The following JMJD1C variants were observed in gnomAD, a reference collection of about 807,000 sequenced individuals.
JMJD1C encodes jumonji domain-containing protein 1C.
A neutral mutation model predicts 245.3 loss-of-function variants in JMJD1C; 31 were observed. The ratio of observed to expected loss-of-function variants is 0.13; its 90% confidence interval spans 0.09 to 0.17. The LOEUF (loss-of-function observed/expected upper bound fraction) is 0.17, where lower values mean the gene tolerates loss of function less well. Among genes scored for constraint, JMJD1C ranks in the 10% least tolerant of loss-of-function variants. JMJD1C has a pLI of 1.00. For synonymous variants in JMJD1C, 1,057 were observed against 1,017.4 expected (o/e 1.04, Z -0.74); for missense variants, 2,691 against 3,000.2 (o/e 0.90, Z 2.41).
At position 63,198,568 on chromosome 10, in the gene JMJD1C, C is replaced by T. The variant is rs1845695669; in HGVS notation, c.5436G>A (p.Lys1812=). Residue 1812 remains lysine (K), a synonymous_variant, in exon 12 of 26, where the codon AAG becomes AAA. Transcript: ENST00000399262. Reference sequence around the variant, plus strand: ...TTTCAGATGTTACTAATTGACAGAACTTATCACCTATTATATCCAAGATAT... The same window carrying T: ...TTTCAGATGTTACTAATTGACAGAATTTATCACCTATTATATCCAAGATAT... ...SKYILDIIGD[K]FCQLVTSEKT... 6.2e-7 allele frequency: 1 copy of T among 1,611,156 alleles called. No individual in the cohort carries two copies. The highest frequency in any genetic ancestry group is 8.5e-7 in the Non-Finnish European group (1 of 1,178,210).
At chr10:63,209,655 A>G (rs1847090404) in intron 8 of JMJD1C, among the ~76,000 whole-genome samples, 1 of 152,214 alleles carries the variant, frequency 6.6e-6, no homozygotes, top group Admixed American at 6.5e-5. Context: ...TTCATTTGTC[A>G]ATTTTTGTCA....
chr10:63,440,351 A>ATATAT (rs541868337), intron 1 of JMJD1C, among the ~76,000 whole-genome samples: 1,008 of 67,866 alleles, frequency 0.015, 13 homozygotes, highest in African/African-American at 0.028. Context: ...AAAAAAAAAA[A>ATATAT]AAATATATAT....
chr10:63,295,950 T>TATATATATAG (rs1554877081), intron 2 of JMJD1C, among the ~76,000 whole-genome samples: 1 of 127,344 alleles, frequency 7.9e-6, no homozygotes. Context: ...TATATATATA[T>TATATATATAG]ACACGTATAT....
intron 1 of JMJD1C, among the ~76,000 whole-genome samples, chr10:63,445,561 T>C (rs1951663955): frequency 6.6e-6 from 1 of 152,206 alleles, no homozygotes; most frequent in Non-Finnish European, 1.5e-5. Context: ...GAAAGCAGGA[T>C]ATCATGTAGA....
chr10:63,207,768 C>T lies in JMJD1C; in HGVS notation c.3901G>A (p.Ala1301Thr), dbSNP rs757208486. 3 of 1,614,200 alleles carry T rather than the reference C, an allele frequency of 1.9e-6. No individual in the cohort carries two copies. The highest frequency in any genetic ancestry group is 2.5e-6 in the Non-Finnish European group (3 of 1,180,020). Reference sequence around the variant, plus strand: ...GGACGCACAATGACAGATGCCATAGCAGCCTGTAACTTTCCGCTGCTTTTC... The same window carrying T: ...GGACGCACAATGACAGATGCCATAGTAGCCTGTAACTTTCCGCTGCTTTTC... ...VEKSSGKLQA[A>T]MASVIVRPSS... The change falls in exon 10 of 26, where the codon GCT becomes ACT. Residue 1301 changes from alanine (A) to threonine (T), a missense_variant. Physicochemically the swap from Ala to Thr is moderately conservative, Grantham distance 58. Coordinates refer to ENST00000399262, the MANE Select transcript of JMJD1C (RefSeq NM_032776.3).
At chr10:63,255,593 A>G (rs1853782120) in intron 3 of JMJD1C, among the ~76,000 whole-genome samples, 1 of 152,202 alleles carries the variant, frequency 6.6e-6, no homozygotes, top group Admixed American at 6.5e-5. Flanking sequence ...TGCCTGCTAT[A>G]TCATCACAAT....
chr10:63,383,427 G>C (rs919835443), intron 1 of JMJD1C, among the ~76,000 whole-genome samples: 1 of 152,062 alleles, frequency 6.6e-6, no homozygotes, highest in African/African-American at 2.4e-5. Context: ...ATCGTTAAGG[G>C]TACCTCCTTG....
At chr10:63,410,764 T>C (rs560637021) in intron 1 of JMJD1C, among the ~76,000 whole-genome samples, 53 of 152,308 alleles carry the variant, frequency 3.5e-4, no homozygotes, top group African/African-American at 1.2e-3. Context: ...ACACTAACTG[T>C]TCCAAATTAC....
chr10:63,203,995 C>T (rs779145319), intron 10 of JMJD1C: 11 of 983,528 alleles, frequency 1.1e-5, no homozygotes, highest in African/African-American at 3.5e-5. Flanking sequence ...ACTTAAAGAA[C>T]TTTTCTGTGC....
intron 5 of JMJD1C, among the ~76,000 whole-genome samples, chr10:63,216,708 TCAAAAAA>T (rs941319977): frequency 1.8e-4 from 26 of 145,410 alleles, no homozygotes; most frequent in East Asian, 5.8e-4. Context: ...AGACTCCAGC[TCAAAAAA>T]CAAAAAACAA....
intron 8 of JMJD1C, among the ~76,000 whole-genome samples, 164 bp from the exon 9 acceptor site, chr10:63,209,399 A>G (rs1225496325): frequency 6.6e-6 from 1 of 152,216 alleles, no homozygotes; most frequent in Non-Finnish European, 1.5e-5. Flanking sequence ...ATCTTATGAG[A>G]AATATTCAGA....
intron 2 of JMJD1C, among the ~76,000 whole-genome samples, chr10:63,287,119 T>G (rs578087721): frequency 3.3e-5 from 5 of 152,164 alleles, no homozygotes; most frequent in Non-Finnish European, 5.9e-5. Flanking sequence ...GCTAAGTATG[T>G]TGCAATACAT....
chr10:63,202,765 G>C (rs754077551), intron 10 of JMJD1C: 16 of 985,254 alleles, frequency 1.6e-5, no homozygotes, highest in Non-Finnish European at 1.8e-5. Flanking sequence ...TTGTGCAAAA[G>C]AGATTTTTCC....
chr10:63,253,549 A>C (rs1013204388), intron 3 of JMJD1C, among the ~76,000 whole-genome samples: 1 of 151,924 alleles, frequency 6.6e-6, no homozygotes, highest in African/African-American at 2.4e-5. Context: ...ATGTCCAGCT[A>C]ATTTTTTTGT....
chr10:63,321,992 A>G (rs1277370937), intron 2 of JMJD1C, among the ~76,000 whole-genome samples: 1 of 152,242 alleles, frequency 6.6e-6, no homozygotes, highest in Non-Finnish European at 1.5e-5. Context: ...GGAAGCCAAA[A>G]GTCACACTTC....
At chr10:63,499,967 A>T (rs561110636) in intron 1 of JMJD1C, among the ~76,000 whole-genome samples, 1 of 152,322 alleles carries the variant, frequency 6.6e-6, no homozygotes, top group South Asian at 2.1e-4. Context: ...AACTCTACTA[A>T]CACTTAGTAG....
In JMJD1C at chr10:63,413,349, T is replaced by C. The variant is rs1949598822; in HGVS notation, c.169-32867A>G. 2.6e-5 allele frequency among the ~76,000 whole-genome samples: 4 copies of C among 152,278 alleles called. 1 individual carries two copies. The South Asian group carries it at 8.3e-4, about 32-fold the overall frequency. ...TTTATGTTTTGCTACCTTAAATATA[T>C]GGTATTCATGATAAATTTACCTCTG... On this transcript the variant is annotated intron_variant, in intron 1 of 25. Coordinates refer to ENST00000399262, the MANE Select transcript of JMJD1C (RefSeq NM_032776.3).
At chr10:63,367,675 T>C (rs915905988) in intron 2 of JMJD1C, among the ~76,000 whole-genome samples, 5 of 152,220 alleles carry the variant, frequency 3.3e-5, no homozygotes, top group South Asian at 4.1e-4. Context: ...TGCTAGTCCC[T>C]AGCTGGGGAC....
intron 1 of JMJD1C, among the ~76,000 whole-genome samples, chr10:63,429,198 C>G (rs1435305932): frequency 6.6e-6 from 1 of 152,138 alleles, no homozygotes; most frequent in African/African-American, 2.4e-5. Context: ...AGGCTGGTCT[C>G]AAACTCCTGA....
Sources: allele counts gnomAD v4.1 joint callset (sites outside exome capture counted in the v4.1 genomes callset), GRCh38; gene constraint gnomAD v4.1.1; transcripts MANE v1.5; gene names NCBI Gene and HGNC (gene_info 2026-07-23, HGNC 2026-07-21).